GSE1: variants seen among roughly 807,000 people sequenced by gnomAD.
GSE1 encodes genetic suppressor element 1.
GSE1 carries 32 observed loss-of-function variants against 112.6 expected under a neutral mutation model. The observed-to-expected ratio is 0.28, with a 90% CI of 0.21 to 0.38. The LOEUF (loss-of-function observed/expected upper bound fraction) is 0.38, where lower values mean the gene tolerates loss of function less well. Ranked by LOEUF, GSE1 falls within the 10% of genes least tolerant of loss-of-function variation. The pLI is 1.00. For missense variants in GSE1, 2,348 were observed against 1,699.2 expected, an observed-to-expected ratio of 1.38 and a Z score of -6.71; for synonymous variants, 1,115 against 735.6, an observed-to-expected ratio of 1.52 and a Z score of -8.35.
chr16:85,212,133 C>T (rs1250724232), intron 1 of GSE1, among the ~76,000 whole-genome samples: 1 of 152,196 alleles, frequency 6.6e-6, no homozygotes, highest in Non-Finnish European at 1.5e-5. Flanking sequence ...AAGCCGGGCG[C>T]GGTGGCTCAT....
intron 1 of GSE1, among the ~76,000 whole-genome samples, chr16:85,187,426 G>T (rs562050468): frequency 7.0e-4 from 106 of 152,364 alleles, no homozygotes; most frequent in Non-Finnish European, 1.2e-3. Context: ...GCCCTGCTCT[G>T]GGGGAAGAGA....
intron 1 of GSE1, among the ~76,000 whole-genome samples, chr16:85,251,915 C>T (rs1906527820): frequency 6.6e-6 from 1 of 152,222 alleles, no homozygotes. Flanking sequence ...CCAGCCACTA[C>T]CTGGCTGTCA....
intron 2 of GSE1, among the ~76,000 whole-genome samples, chr16:85,361,082 C>T (rs1567711711): frequency 6.6e-6 from 1 of 151,706 alleles, no homozygotes; most frequent in Non-Finnish European, 1.5e-5. Flanking sequence ...AGAGTACCCC[C>T]ACAAACACAC....
upstream of GSE1, chr16:85,611,568 T>C (rs536850800): frequency 2.9e-5 from 22 of 756,532 alleles, no homozygotes; most frequent in East Asian, 2.6e-3. Context: ...GCCTCGCCGG[T>C]CCGTTTCCCT....
exon 1 of GSE1, chr16:85,170,096 A>G: frequency 1.0e-6 from 1 of 984,976 alleles, no homozygotes; most frequent in Non-Finnish European, 1.2e-6. Flanking sequence ...CCCGCGCGGG[A>G]CGCCGCCAGC....
chr16:85,203,457 C>T (rs772352839), intron 1 of GSE1, among the ~76,000 whole-genome samples: 1 of 152,152 alleles, frequency 6.6e-6, no homozygotes, highest in Non-Finnish European at 1.5e-5. Flanking sequence ...GCCCCTGTGG[C>T]CCCTCAGGGA....
At chr16:85,612,241 G>GGGGGCGGGGC (rs537679893), upstream of GSE1, among the ~76,000 whole-genome samples, 25 of 151,454 alleles carry the variant, frequency 1.7e-4, 1 homozygote, top group South Asian at 1.0e-3. Flanking sequence ...GCGATGGGGT[G>GGGGGCGGGGC]GGGGCGGGGC....
At chr16:85,174,046 A>G (rs957555651) in intron 1 of GSE1, among the ~76,000 whole-genome samples, 1 of 152,114 alleles carries the variant, frequency 6.6e-6, no homozygotes, top group Non-Finnish European at 1.5e-5. Flanking sequence ...TCTGCTCCCT[A>G]CGCCCTCTTC....
chr16:85,475,974 G>A (rs991061118), intron 2 of GSE1, among the ~76,000 whole-genome samples: 2 of 152,040 alleles, frequency 1.3e-5, no homozygotes, highest in South Asian at 2.1e-4. Context: ...TCTGTCACCC[G>A]AGTTGGAGTG....
chr16:85,658,319 G>A (rs2052144865), intron 8 of GSE1, among the ~76,000 whole-genome samples: 1 of 152,206 alleles, frequency 6.6e-6, no homozygotes, highest in Non-Finnish European at 1.5e-5. Flanking sequence ...TGACCTGCCA[G>A]CCTTCCATAG....
intron 2 of GSE1, among the ~76,000 whole-genome samples, chr16:85,422,909 T>A (rs1214106390): frequency 6.6e-6 from 1 of 152,144 alleles, no homozygotes; most frequent in Non-Finnish European, 1.5e-5. Flanking sequence ...CCCCGCTTGC[T>A]CACCTGCCTG....
chr16:85,485,568 G>A (rs1007277488), intron 2 of GSE1, among the ~76,000 whole-genome samples: 5 of 152,342 alleles, frequency 3.3e-5, no homozygotes, highest in South Asian at 2.1e-4. Context: ...TGCCGCCGCC[G>A]CCGCGTTAAG....
At chr16:85,253,916 C>T (rs558235903) in intron 1 of GSE1, among the ~76,000 whole-genome samples, 12 of 151,388 alleles carry the variant, frequency 7.9e-5, no homozygotes, top group African/African-American at 1.2e-4. Context: ...GGGCAGGAGG[C>T]GGCACAGACT....
intron 14 of GSE1, 152 bp downstream of exon 14, chr16:85,668,576 G>A: frequency 1.6e-6 from 1 of 627,596 alleles, no homozygotes; most frequent in South Asian, 2.0e-5. Context: ...GTTTCTTCCG[G>A]CTTCTGGTAG....
rs1037174502 is a variant in GSE1, at chr16:85,674,491, C to T, written c.*1952C>T. The T allele has an allele frequency of 1.3e-5, 2 of 152,218 alleles. No homozygotes were observed. Among genetic ancestry groups the T allele is most frequent in the Non-Finnish European group, 2.9e-5 (2 of 68,042 alleles). The allele number at this position is 152,218 out of a possible 1,614,324, so 9.4% of individuals were successfully genotyped here. On this transcript the variant is annotated 3_prime_UTR_variant, in exon 16 of 16. Transcript: ENST00000253458. ...GTGTTCAGAGGGAGTCTGCTACAAACTATCAGGGCAAAATCTCACTGGATT... is the reference window on the plus strand; with the variant it reads ...GTGTTCAGAGGGAGTCTGCTACAAATTATCAGGGCAAAATCTCACTGGATT...
chr16:85,643,481 C>G (rs1054865739), intron 2 of GSE1, among the ~76,000 whole-genome samples: 2 of 152,196 alleles, frequency 1.3e-5, no homozygotes, highest in Admixed American at 1.3e-4. Context: ...ACCCACCCCT[C>G]TTACTTCCTC....
rs774443353 is a variant in GSE1, at chr16:85,656,406, T to C, written c.1053T>C (p.Arg351=). ...RERERERERE[R]EADREREKER... is the part of the protein sequence containing the mutation. ...GCGAGCGCGAGCGCGAGCGTGAGCGTGAGGCTGACCGCGAGCGGGAGAAGG... is the reference window on the plus strand; with the variant it reads ...GCGAGCGCGAGCGCGAGCGTGAGCGCGAGGCTGACCGCGAGCGGGAGAAGG... The change falls in exon 7 of 16, where the codon CGT becomes CGC. Residue 351 remains arginine (R), a synonymous_variant. Transcript: ENST00000253458. 59 of 1,569,658 alleles carry C rather than the reference T, an allele frequency of 3.8e-5. No individual in the cohort carries two copies. Among genetic ancestry groups the C allele is most frequent in the Admixed American group, 2.0e-4 (11 of 56,302 alleles).
At chr16:85,253,349 T>C (rs1906722398) in intron 1 of GSE1, among the ~76,000 whole-genome samples, 1 of 152,100 alleles carries the variant, frequency 6.6e-6, no homozygotes, top group Non-Finnish European at 1.5e-5. Context: ...CTGTGCCCGC[T>C]GCCCGCTAGG....
At chr16:85,420,811 G>GA (rs1567472265) in intron 2 of GSE1, among the ~76,000 whole-genome samples, 2 of 152,144 alleles carry the variant, frequency 1.3e-5, no homozygotes, top group African/African-American at 4.8e-5. Context: ...AGGACCTCTA[G>GA]AGAGGCTGCA....
Sources: allele counts gnomAD v4.1 joint callset (sites outside exome capture counted in the v4.1 genomes callset), GRCh38; gene constraint gnomAD v4.1.1; transcripts MANE v1.5; gene names NCBI Gene and HGNC (gene_info 2026-07-23, HGNC 2026-07-21).